The following SH3D19 variants were observed in gnomAD, a reference collection of about 807,000 sequenced individuals.
The protein encoded by SH3D19 is SH3 domain containing 19, also known as SH3 domain-containing protein 19.
A neutral mutation model predicts 112.1 loss-of-function variants in SH3D19; 58 were observed. The ratio of observed to expected loss-of-function variants is 0.52; its 90% CI spans 0.42 to 0.64. The LOEUF is 0.64. SH3D19 is among the 30% of genes least tolerant of loss of function. The probability of loss-of-function intolerance (pLI) is 0.00; values close to 1 mark genes in which losing one functional copy is unlikely to be tolerated. For synonymous variants in SH3D19, 391 were observed against 448.5 expected (o/e 0.87, Z 1.62); for missense variants, 1,090 against 1,263.4 (o/e 0.86, Z 2.08).
chr4:151,279,098 G>A, intron 1 of SH3D19: 1 of 425,270 alleles, frequency 2.4e-6, no homozygotes, highest in Non-Finnish European at 4.6e-6. Context: ...AGATAAAGCT[G>A]TGGCCCAAGT....
chr4:151,136,612 A>C (rs1490957955), intron 14 of SH3D19, among the ~76,000 whole-genome samples: 1 of 152,240 alleles, frequency 6.6e-6, no homozygotes, highest in Non-Finnish European at 1.5e-5. Context: ...GTTTTAAAAC[A>C]ATTTTTTAAA....
At chr4:151,299,374 A>G (rs1414019893) in intron 1 of SH3D19, among the ~76,000 whole-genome samples, 1 of 152,126 alleles carries the variant, frequency 6.6e-6, no homozygotes, top group Non-Finnish European at 1.5e-5. Context: ...TGAGGTCAGG[A>G]GTTCGAGACC....
chr4:151,256,701 T>C (rs1212614945), intron 1 of SH3D19, among the ~76,000 whole-genome samples: 3 of 151,128 alleles, frequency 2.0e-5, no homozygotes, highest in Non-Finnish European at 4.4e-5. Flanking sequence ...GTTGTTTTTT[T>C]TTTTTTTTGG....
rs546906110 is a variant in SH3D19 at position 151,133,636 on chromosome 4, T to A, written c.2487-400A>T. Among the ~76,000 whole-genome samples the A allele has an allele frequency of 2.0e-5, 3 of 152,214 alleles. No homozygotes were observed. In the South Asian group the frequency reaches 6.2e-4, roughly 32 times the overall value. The stretch of plus-strand genomic sequence containing the variant: ...GAATCTCAGGGCAATTAATCAAATT[T>A]TCTGACTACTAATCAGGGCAGAATG... On this transcript the variant is annotated intron_variant, in intron 15 of 19. Coordinates refer to ENST00000604030, the MANE Select transcript of SH3D19 (RefSeq NM_001378122.1).
chr4:151,157,176 C>G (rs1756272067), intron 9 of SH3D19, among the ~76,000 whole-genome samples: 1 of 151,298 alleles, frequency 6.6e-6, no homozygotes, highest in Non-Finnish European at 1.5e-5. Flanking sequence ...CACCTGAGCC[C>G]AGGAGGTCAA....
rs577583451 is a variant in SH3D19 at position 151,315,850 on chromosome 4, T to C, written c.112+9391A>G. ...AAAAAGTATGTAGATACTTTACCCT[T>C]AAAGAGGTATAGCATAATTCTTTAC... is the stretch of plus-strand genomic sequence containing the variant. On this transcript the variant is annotated intron_variant, in intron 1 of 19. Coordinates refer to ENST00000604030, the MANE Select transcript of SH3D19 (RefSeq NM_001378122.1). Among the ~76,000 whole-genome samples the C allele has an allele frequency of 2.1e-4, 32 of 152,296 alleles. No individual in the cohort carries two copies. The South Asian group carries it at 3.1e-3, about 15-fold the overall frequency.
At chr4:151,223,173 T>C (rs1258904103) in intron 2 of SH3D19, among the ~76,000 whole-genome samples, 1 of 152,012 alleles carries the variant, frequency 6.6e-6, no homozygotes, top group Non-Finnish European at 1.5e-5. Flanking sequence ...GGGTGATATT[T>C]TAACAACTTT....
At chr4:151,237,412 A>G (rs1019513776) in intron 1 of SH3D19, among the ~76,000 whole-genome samples, 2 of 152,254 alleles carry the variant, frequency 1.3e-5, no homozygotes, top group Admixed American at 6.5e-5. Context: ...GTCAGCACCA[A>G]TTGCTTACCA....
intron 1 of SH3D19, among the ~76,000 whole-genome samples, chr4:151,268,540 A>G (rs954601246): frequency 1.3e-5 from 2 of 149,256 alleles, no homozygotes; most frequent in Non-Finnish European, 3.0e-5. Flanking sequence ...TGCTGCACCC[A>G]TTAACTCGTC....
chr4:151,253,967 G>A (rs1771608669), intron 1 of SH3D19, among the ~76,000 whole-genome samples: 1 of 152,198 alleles, frequency 6.6e-6, no homozygotes, highest in East Asian at 1.9e-4. Flanking sequence ...AAGATAACTA[G>A]ATGATGACTT....
At chr4:151,310,567 A>ACT (rs1040142181) in intron 1 of SH3D19, among the ~76,000 whole-genome samples, 3 of 147,524 alleles carry the variant, frequency 2.0e-5, no homozygotes, top group Admixed American at 2.0e-4. Context: ...GAAATAAATC[A>ACT]CTCTCTCTCT....
chr4:151,202,085 C>G (rs1764477656), intron 2 of SH3D19, among the ~76,000 whole-genome samples: 1 of 151,808 alleles, frequency 6.6e-6, no homozygotes, highest in Admixed American at 6.6e-5. Context: ...CCTGTAATCC[C>G]AGCACTTTAG....
intron 17 of SH3D19, among the ~76,000 whole-genome samples, chr4:151,129,058 A>G (rs922720694): frequency 6.6e-6 from 1 of 152,262 alleles, no homozygotes; most frequent in Non-Finnish European, 1.5e-5. Context: ...GTATGTAATT[A>G]TCAGTGAAGC....
Position 151,139,764 on chromosome 4 carries a change from T to C in SH3D19, c.2296+11A>G, listed in dbSNP as rs568070860. 47 of 1,613,496 alleles carry C rather than the reference T, an allele frequency of 2.9e-5. No homozygotes were observed. In the South Asian group the frequency reaches 4.7e-4, roughly 16 times the overall value. On this transcript the variant is annotated intron_variant, in intron 13 of 19. Coordinates refer to ENST00000604030, the MANE Select transcript of SH3D19 (RefSeq NM_001378122.1). ...CCTGTGGTTCTCCCACTGCATTATT[T>C]ACATCCTTACCTGCTGGGAAATCAT...
At chr4:151,316,699 C>T (rs1161609452) in intron 1 of SH3D19, among the ~76,000 whole-genome samples, 1 of 151,364 alleles carries the variant, frequency 6.6e-6, no homozygotes, top group East Asian at 1.9e-4. Context: ...AAATAATGGT[C>T]CACAGCTCCT....
intron 1 of SH3D19, among the ~76,000 whole-genome samples, chr4:151,309,031 A>G (rs1561450486): frequency 3.3e-5 from 5 of 152,102 alleles, no homozygotes; most frequent in Admixed American, 2.6e-4. Context: ...ACCATGCCCA[A>G]CTAATTTTTG....
At chr4:151,151,878 C>A (rs1325937436) in intron 9 of SH3D19, among the ~76,000 whole-genome samples, 1 of 151,946 alleles carries the variant, frequency 6.6e-6, no homozygotes, top group African/African-American at 2.4e-5. Context: ...TTGTTAGATA[C>A]CTTGATAAAG....
intron 11 of SH3D19, chr4:151,144,378 T>A: frequency 1.7e-6 from 2 of 1,147,184 alleles, no homozygotes; most frequent in Non-Finnish European, 2.6e-6. Flanking sequence ...TGTGTGTGCC[T>A]AAAGTGCACC....
At position 151,133,020 on chromosome 4, in the gene SH3D19, T is replaced by C. The variant is rs1220477412; in HGVS notation, c.2689+14A>G. The C allele has an allele frequency of 4.4e-6, 7 of 1,604,758 alleles. No homozygotes were observed. In the East Asian group the frequency reaches 1.1e-4, roughly 26 times the overall value. ...TTAGGACATAACATAATAAAAAAAA[T>C]TCTCTATACTCACTTAAAACATTTG... On this transcript the variant is annotated intron_variant, in intron 16 of 19. Coordinates refer to ENST00000604030, the MANE Select transcript of SH3D19 (RefSeq NM_001378122.1).
Sources: gnomAD v4.1 joint callset for allele counts (sites outside exome capture counted in the v4.1 genomes callset) on GRCh38, gnomAD v4.1.1 for gene constraint, MANE v1.5 for transcripts, NCBI Gene and HGNC (gene_info 2026-07-23, HGNC 2026-07-21) for gene names.